DAG1: variants seen among roughly 807,000 people sequenced by gnomAD.
The protein encoded by DAG1 is dystroglycan 1 (dystrophin-associated glycoprotein 1).
A neutral mutation model predicts 46.1 loss-of-function variants in DAG1; 8 were observed. The ratio of observed to expected loss-of-function variants is 0.17; its 90% confidence interval spans 0.10 to 0.31. The LOEUF is 0.31. DAG1 is among the 10% of genes least tolerant of loss of function. The pLI is 1.00. For synonymous variants in DAG1, 495 were observed against 481.8 expected, an observed-to-expected ratio of 1.03 and a Z score of -0.36; for missense variants, 1,003 against 1,189.9, an observed-to-expected ratio of 0.84 and a Z score of 2.31.
rs2049550953 is a variant in DAG1 at position 49,472,538 on chromosome 3, T to G, written c.-117+2105T>G. On this transcript the variant is annotated intron_variant, in intron 1 of 2. Coordinates refer to ENST00000308775, the MANE Select transcript of DAG1 (RefSeq NM_004393.6). ...TTAAAAACTTTATCGCCGGGCATGG[T>G]GGCTCCCACCTGTAATCCCAGCAGT... is the stretch of plus-strand genomic sequence containing the variant. 2.0e-5 allele frequency among the ~76,000 whole-genome samples: 3 copies of G among 152,290 alleles called. No individual in the cohort carries two copies. In the Middle Eastern group the frequency reaches 0.01, roughly 518 times the overall value.
intron 1 of DAG1, among the ~76,000 whole-genome samples, chr3:49,498,228 T>C (rs920148549): frequency 6.6e-6 from 1 of 152,222 alleles, no homozygotes; most frequent in South Asian, 2.1e-4. Context: ...GCCTGCAGTT[T>C]AGGTAGGAAC....
At chr3:49,524,404 G>A (rs987689505) in intron 2 of DAG1, among the ~76,000 whole-genome samples, 5 of 152,206 alleles carry the variant, frequency 3.3e-5, no homozygotes, top group African/African-American at 7.2e-5. Flanking sequence ...GGCTGGGCAC[G>A]GTGGCTCACA....
At chr3:49,493,208 CA>C (rs1349207188) in intron 1 of DAG1, among the ~76,000 whole-genome samples, 3 of 151,670 alleles carry the variant, frequency 2.0e-5, no homozygotes, top group Non-Finnish European at 4.4e-5. Flanking sequence ...CACACTCAGC[CA>C]ATTTTTTCAT....
chr3:49,475,616 C>G (rs1454773538), intron 1 of DAG1, among the ~76,000 whole-genome samples: 1 of 151,788 alleles, frequency 6.6e-6, no homozygotes, highest in Non-Finnish European at 1.5e-5. Context: ...AAAATTACAC[C>G]AGCCAGAAGA....
chr3:49,479,072 G>C (rs2049785785), intron 1 of DAG1, among the ~76,000 whole-genome samples: 1 of 151,898 alleles, frequency 6.6e-6, no homozygotes, highest in African/African-American at 2.4e-5. Context: ...CTCCCAAAGT[G>C]CTGGGATTAC....
intron 1 of DAG1, among the ~76,000 whole-genome samples, chr3:49,478,212 T>C (rs1274496088): frequency 6.9e-6 from 1 of 145,178 alleles, no homozygotes; most frequent in Non-Finnish European, 1.5e-5. Flanking sequence ...AGGCAGAGGT[T>C]GCAGTGAGCC....
chr3:49,474,440 G>T (rs2049619252), intron 1 of DAG1, among the ~76,000 whole-genome samples: 1 of 152,012 alleles, frequency 6.6e-6, no homozygotes. Flanking sequence ...CTGCCCCTTG[G>T]GTTCAAGTGA....
chr3:49,472,050 C>T (rs527696681), intron 1 of DAG1, among the ~76,000 whole-genome samples: 3 of 152,130 alleles, frequency 2.0e-5, no homozygotes, highest in South Asian at 2.1e-4. Context: ...TTGGCAGGTG[C>T]GAGCTCTGGG....
At chr3:49,502,612 C>T (rs1267134351) in intron 1 of DAG1, among the ~76,000 whole-genome samples, 1 of 150,946 alleles carries the variant, frequency 6.6e-6, no homozygotes, top group Non-Finnish European at 1.5e-5. Flanking sequence ...CTATATCGTG[C>T]TAAATTGTAA....
chr3:49,494,157 G>A (rs772894909), intron 1 of DAG1, among the ~76,000 whole-genome samples: 9 of 152,136 alleles, frequency 5.9e-5, no homozygotes, highest in Non-Finnish European at 1.3e-4. Context: ...TGGCATGGGT[G>A]AAATATTTTT....
intron 1 of DAG1, among the ~76,000 whole-genome samples, chr3:49,478,127 C>T (rs768631245): frequency 3.4e-4 from 52 of 151,156 alleles, no homozygotes; most frequent in Non-Finnish European, 3.7e-4. Context: ...ATTAGCCAGG[C>T]GTGGTGGTGT....
intron 1 of DAG1, among the ~76,000 whole-genome samples, chr3:49,505,502 C>T (rs997104704): frequency 6.6e-6 from 1 of 152,196 alleles, no homozygotes; most frequent in Non-Finnish European, 1.5e-5. Context: ...TATAGAAATA[C>T]AATTGATTTT....
At chr3:49,523,191 G>C (rs1043510649) in intron 2 of DAG1, among the ~76,000 whole-genome samples, 3 of 152,168 alleles carry the variant, frequency 2.0e-5, no homozygotes, top group Non-Finnish European at 4.4e-5. Flanking sequence ...GGCAAACCAA[G>C]GACTCTAAGG....
At chr3:49,528,690 G>C (rs978124021) in intron 2 of DAG1, among the ~76,000 whole-genome samples, 2 of 152,142 alleles carry the variant, frequency 1.3e-5, no homozygotes, top group African/African-American at 4.8e-5. Flanking sequence ...TAACATTTCT[G>C]ATGTTTGATG....
chr3:49,502,626 A>G (rs2050484155), intron 1 of DAG1, among the ~76,000 whole-genome samples: 1 of 146,230 alleles, frequency 6.8e-6, no homozygotes, highest in Non-Finnish European at 1.5e-5. Context: ...ATTGTAAGAC[A>G]TCTTTAACTT....
intron 1 of DAG1, among the ~76,000 whole-genome samples, chr3:49,491,350 C>T (rs545288531): frequency 2.2e-4 from 31 of 142,490 alleles, no homozygotes; most frequent in South Asian, 4.9e-4. Context: ...CTCATTCTTT[C>T]GCCCAGGTTG....
chr3:49,511,314 G>T (rs2050755855), intron 2 of DAG1, among the ~76,000 whole-genome samples: 1 of 152,178 alleles, frequency 6.6e-6, no homozygotes, highest in Non-Finnish European at 1.5e-5. Context: ...ATCCTTTGGA[G>T]AAGCCATCCA....
intron 1 of DAG1, among the ~76,000 whole-genome samples, chr3:49,472,358 C>T (rs192667305): frequency 1.1e-4 from 16 of 152,180 alleles, no homozygotes; most frequent in Non-Finnish European, 1.5e-5. Flanking sequence ...CCAAGCATAA[C>T]CAAGGATTTA....
Position 49,525,824 on chromosome 3 carries a change from C to T in DAG1, c.286-4973C>T, listed in dbSNP as rs553855512. On this transcript the variant is annotated intron_variant, in intron 2 of 2. Coordinates refer to ENST00000308775, the MANE Select transcript of DAG1 (RefSeq NM_004393.6). Reference sequence around the variant, plus strand: ...CCGCCTGCCTCAGCCTCCCAAAGTGCTGGGATTACAGGCGTGAGCCACCGC... The same window carrying T: ...CCGCCTGCCTCAGCCTCCCAAAGTGTTGGGATTACAGGCGTGAGCCACCGC... 2.7e-3 allele frequency among the ~76,000 whole-genome samples: 415 copies of T among 151,386 alleles called. 3 individuals are homozygous for T. The highest frequency in any genetic ancestry group is 9.3e-3 in the African/African-American group (385 of 41,210).
Sources: gnomAD v4.1 joint callset for allele counts (sites outside exome capture counted in the v4.1 genomes callset) on GRCh38, gnomAD v4.1.1 for gene constraint, MANE v1.5 for transcripts, NCBI Gene and HGNC (gene_info 2026-07-23, HGNC 2026-07-21) for gene names.